The following TAFA2 variants were observed in gnomAD, a reference collection of about 807,000 sequenced individuals.
TAFA2 encodes chemokine-like protein TAFA-2.
Under a neutral mutation model 18.8 loss-of-function variants are expected in TAFA2, and 7 were observed. The ratio of observed to expected loss-of-function variants is 0.37; its 90% CI spans 0.21 to 0.70. The LOEUF (loss-of-function observed/expected upper bound fraction) is 0.70. Ranked by LOEUF, TAFA2 falls within the 30% of genes least tolerant of loss-of-function variation. TAFA2 has a pLI of 0.53. For synonymous variants in TAFA2, 60 were observed against 54.2 expected, an observed-to-expected ratio of 1.11 and a Z score of -0.47; for missense variants, 122 against 158.1, an observed-to-expected ratio of 0.77 and a Z score of 1.23.
At position 61,881,562 on chromosome 12, in the gene TAFA2, C is replaced by G. The variant is rs865956798; in HGVS notation, c.-1-14136G>C. Reference sequence around the variant, plus strand: ...ATGACTGTACAGAAAAAACTGACTACAAATATATGATGGGGCTGGTAGGAG... The same window carrying G: ...ATGACTGTACAGAAAAAACTGACTAGAAATATATGATGGGGCTGGTAGGAG... On this transcript the variant is annotated intron_variant, in intron 1 of 4. Coordinates refer to ENST00000416284, the MANE Select transcript of TAFA2 (RefSeq NM_178539.5). Among the ~76,000 whole-genome samples, 16 of 152,108 alleles carry G rather than the reference C, an allele frequency of 1.1e-4. 1 individual carries two copies. Among genetic ancestry groups the G allele is most frequent in the Non-Finnish European group, 1.9e-4 (13 of 68,016 alleles).
intron 1 of TAFA2, among the ~76,000 whole-genome samples, chr12:62,106,695 A>G (rs1869471075): frequency 6.6e-6 from 1 of 152,208 alleles, no homozygotes. Context: ...TTTAATTTAC[A>G]TGAAAAGAGA....
intron 1 of TAFA2, among the ~76,000 whole-genome samples, chr12:61,928,229 C>A (rs140476461): frequency 6.6e-6 from 1 of 152,162 alleles, no homozygotes; most frequent in Admixed American, 6.5e-5. Context: ...AGGCAACCTA[C>A]AGAATGGGAG....
At chr12:61,954,033 A>G (rs1441129334) in intron 1 of TAFA2, among the ~76,000 whole-genome samples, 2 of 152,174 alleles carry the variant, frequency 1.3e-5, no homozygotes, top group African/African-American at 2.4e-5. Flanking sequence ...GATATATTGC[A>G]TAGTGGTGAA....
At chr12:61,746,844 T>G (rs1000853583) in intron 4 of TAFA2, among the ~76,000 whole-genome samples, 30 of 152,232 alleles carry the variant, frequency 2.0e-4, no homozygotes, top group African/African-American at 7.2e-4. Flanking sequence ...ACAGCATACA[T>G]ATTCTTTCTC....
intron 1 of TAFA2, chr12:62,104,790 G>A (rs758600202): frequency 2.3e-6 from 1 of 436,088 alleles, no homozygotes; most frequent in South Asian, 1.6e-5. Context: ...GCTTTCTCTA[G>A]GGGAGAGCAA....
At chr12:61,771,936 A>G (rs1870046895) in intron 2 of TAFA2, among the ~76,000 whole-genome samples, 1 of 151,944 alleles carries the variant, frequency 6.6e-6, no homozygotes, top group South Asian at 2.1e-4. Flanking sequence ...AAATGAAACA[A>G]AAATATGTTT....
At chr12:61,933,460 C>T (rs1877644958) in intron 1 of TAFA2, among the ~76,000 whole-genome samples, 1 of 152,080 alleles carries the variant, frequency 6.6e-6, no homozygotes, top group East Asian at 1.9e-4. Flanking sequence ...ACCTGTATTC[C>T]CAGCACTTTG....
intron 1 of TAFA2, among the ~76,000 whole-genome samples, chr12:62,175,615 T>A (rs982739663): frequency 1.3e-5 from 2 of 152,146 alleles, no homozygotes; most frequent in Non-Finnish European, 2.9e-5. Flanking sequence ...ACAACTGCCC[T>A]ATCATCTCTA....
At chr12:61,796,235 C>T (rs987033673) in intron 2 of TAFA2, among the ~76,000 whole-genome samples, 1 of 151,918 alleles carries the variant, frequency 6.6e-6, no homozygotes, top group Non-Finnish European at 1.5e-5. Flanking sequence ...GATAGATCTA[C>T]ATGCACATAC....
chr12:61,735,323 A>G (rs1403910515), intron 4 of TAFA2, among the ~76,000 whole-genome samples: 1 of 151,976 alleles, frequency 6.6e-6, no homozygotes, highest in Non-Finnish European at 1.5e-5. Flanking sequence ...TAAACAGCAT[A>G]TACTTGTGTT....
intron 1 of TAFA2, among the ~76,000 whole-genome samples, chr12:62,051,334 A>C (rs1882049268): frequency 1.3e-5 from 2 of 152,126 alleles, no homozygotes. Flanking sequence ...TTTCATAAAG[A>C]ATGCCAATTT....
At chr12:62,076,404 A>G (rs1868248872) in intron 1 of TAFA2, among the ~76,000 whole-genome samples, 1 of 152,202 alleles carries the variant, frequency 6.6e-6, no homozygotes, top group African/African-American at 2.4e-5. Flanking sequence ...TTATAGTGCA[A>G]AAGCTTTTTT....
At position 61,980,336 on chromosome 12, in the gene TAFA2, C is replaced by T. The variant is rs112921930; in HGVS notation, c.-1-112910G>A. Among the ~76,000 whole-genome samples, 1,341 of 152,216 alleles carry T rather than the reference C, an allele frequency of 8.8e-3. 21 individuals carry two copies. Among genetic ancestry groups the T allele is most frequent in the African/African-American group, 0.031 (1,268 of 41,534 alleles). ...AATAATAAGAGCTATTTATGACAAA[C>T]CCACAGCCAATATCATACTGAATGG... is the stretch of plus-strand genomic sequence containing the variant. On this transcript the variant is annotated intron_variant, in intron 1 of 4. Transcript: ENST00000416284.
chr12:61,740,471 TAAAGTCTAAAAAAAA>T (rs1038497275), intron 4 of TAFA2, among the ~76,000 whole-genome samples: 6 of 150,094 alleles, frequency 4.0e-5, no homozygotes, highest in Non-Finnish European at 8.8e-5. Context: ...TCCCACAACT[TAAAGTCTAAAAAAAA>T]AAAGTCTAAA....
At chr12:62,215,683 C>CTTGTTTCTCTTGCTTAAGAGAAACAAG (rs1253728124) in intron 1 of TAFA2, among the ~76,000 whole-genome samples, 6 of 134,636 alleles carry the variant, frequency 4.5e-5, no homozygotes, top group African/African-American at 1.4e-4. Flanking sequence ...AGAGGAAGAA[C>CTTGTTTCTCTTGCTTAAGAGAAACAAG]TTGTTTCTCT....
At chr12:62,017,888 CTGTTA>C (rs1406347447) in intron 1 of TAFA2, among the ~76,000 whole-genome samples, 3 of 152,164 alleles carry the variant, frequency 2.0e-5, no homozygotes, top group Non-Finnish European at 1.5e-5. Flanking sequence ...TCAATACTGT[CTGTTA>C]TAATTATCAG....
intron 1 of TAFA2, among the ~76,000 whole-genome samples, chr12:62,208,318 G>T (rs372020834): frequency 6.6e-6 from 1 of 151,872 alleles, no homozygotes; most frequent in African/African-American, 2.4e-5. Context: ...AGACATTCAG[G>T]CAATAGGAGA....
chr12:61,947,318 GA>G (rs1377799100), intron 1 of TAFA2, among the ~76,000 whole-genome samples: 3 of 140,266 alleles, frequency 2.1e-5, no homozygotes, highest in Admixed American at 7.1e-5. Context: ...GGGGAGGTGG[GA>G]GGGGGGAGGG....
intron 1 of TAFA2, among the ~76,000 whole-genome samples, chr12:62,070,173 A>G (rs778329474): frequency 1.3e-5 from 2 of 152,170 alleles, no homozygotes; most frequent in Non-Finnish European, 2.9e-5. Context: ...AATGTCTTGA[A>G]TGAGGTGCAA....
Sources: allele counts gnomAD v4.1 joint callset (sites outside exome capture counted in the v4.1 genomes callset), GRCh38; gene constraint gnomAD v4.1.1; transcripts MANE v1.5; gene names NCBI Gene and HGNC (gene_info 2026-07-23, HGNC 2026-07-21).